The following BLTP1 variants were observed in gnomAD, a reference collection of about 807,000 sequenced individuals.
BLTP1 encodes the protein bridge-like lipid transfer protein family member 1, also known as fragile site-associated protein.
chr4:122,154,519 T>C, the BLTP1 span: 3 of 976,944 alleles, frequency 3.1e-6, no homozygotes, highest in African/African-American at 1.8e-5. Context: ...GGTGTCAAAA[T>C]TCTGTTCTCT....
chr4:122,190,139 C>G, the BLTP1 span: 1 of 1,595,522 alleles, frequency 6.3e-7, no homozygotes, highest in Admixed American at 1.7e-5. Flanking sequence ...CTCTGTCACA[C>G]AGGCTGGAAT....
the BLTP1 span, chr4:122,349,683 G>A: frequency 6.4e-7 from 1 of 1,565,898 alleles, no homozygotes; most frequent in Non-Finnish European, 8.7e-7. This position sits in a 1 kb window ranked among gnomAD's most constrained non-coding sequence, Gnocchi z 4.5. Context: ...TTACATGACT[G>A]TTCTCAACAT....
chr4:122,335,768 A>G, the BLTP1 span, among the ~76,000 whole-genome samples: 2 of 152,112 alleles, frequency 1.3e-5, no homozygotes, highest in Non-Finnish European at 2.9e-5. Flanking sequence ...GTTAGGTAAA[A>G]GGAAAGAGAA....
chr4:122,202,512 G>T, the BLTP1 span: 4 of 917,422 alleles, frequency 4.4e-6, no homozygotes, highest in South Asian at 2.0e-4. Context: ...AACTCAAGTA[G>T]TCTGGCTCAA....
the BLTP1 span, chr4:122,164,287 A>G: frequency 1.7e-6 from 1 of 595,696 alleles, no homozygotes; most frequent in Non-Finnish European, 2.1e-6. Context: ...CGTTTTCCCA[A>G]CTACAGCATC....
At chr4:122,270,453 T>C in the BLTP1 span, 191 of 581,730 alleles carry the variant, frequency 3.3e-4, no homozygotes, top group African/African-American at 3.7e-3. Context: ...TATAATAGTC[T>C]TACATGAAAA....
At chr4:122,336,195 A>G in the BLTP1 span, 527 of 1,586,020 alleles carry the variant, frequency 3.3e-4, no homozygotes, top group Non-Finnish European at 1.4e-4. Flanking sequence ...GTTCTAGCCA[A>G]AGGAAAAGGA....
chr4:122,349,470 A>G, the BLTP1 span: 1 of 1,589,684 alleles, frequency 6.3e-7, no homozygotes, highest in East Asian at 2.3e-5. This position sits in a 1 kb window ranked among gnomAD's most constrained non-coding sequence, Gnocchi z 4.5. Context: ...TGAACATCCA[A>G]ATCAGCAACC....
the BLTP1 span, chr4:122,349,038 T>A: frequency 1.3e-6 from 1 of 782,140 alleles, no homozygotes; most frequent in Non-Finnish European, 1.9e-6. This position sits in a 1 kb window ranked among gnomAD's most constrained non-coding sequence, Gnocchi z 4.5. Flanking sequence ...TAAAGTATGT[T>A]GTTTCATTGT....
the BLTP1 span, among the ~76,000 whole-genome samples, chr4:122,202,348 C>T: frequency 1.3e-5 from 2 of 152,128 alleles, no homozygotes; most frequent in African/African-American, 4.8e-5. Flanking sequence ...TGGCTCTGTC[C>T]TAAGCAGTTT....
At chr4:122,340,903 A>G in the BLTP1 span, 19 of 852,974 alleles carry the variant, frequency 2.2e-5, no homozygotes, top group Non-Finnish European at 2.7e-5. Context: ...GTTGTCAGCG[A>G]TAACACTACA....
the BLTP1 span, chr4:122,339,102 A>T: frequency 4.0e-6 from 5 of 1,264,998 alleles, no homozygotes; most frequent in Admixed American, 2.5e-5. Context: ...CTTTCTGTTT[A>T]AAAAAAATGT....
At chr4:122,294,738 A>G in the BLTP1 span, among the ~76,000 whole-genome samples, 5 of 152,232 alleles carry the variant, frequency 3.3e-5, no homozygotes, top group Non-Finnish European at 7.3e-5. Flanking sequence ...CCTCTCCAGC[A>G]AGGGCGCAGG....
the BLTP1 span, chr4:122,341,674 A>G: frequency 2.0e-6 from 2 of 981,116 alleles, no homozygotes; most frequent in South Asian, 4.7e-5. Flanking sequence ...ATAAGAATAT[A>G]TAGGTTGCGA....
At chr4:122,262,906 C>G in the BLTP1 span, 2 of 1,614,052 alleles carry the variant, frequency 1.2e-6, no homozygotes, top group Non-Finnish European at 8.5e-7. Context: ...GGAAGCTTCC[C>G]AAGCCTGCAC....
chr4:122,359,834 C>G, the BLTP1 span: 1 of 1,441,416 alleles, frequency 6.9e-7, no homozygotes, highest in African/African-American at 1.4e-5. Context: ...AGAAGTTAGT[C>G]TCCTGTAATG....
At chr4:122,214,564 C>T in the BLTP1 span, 1 of 934,134 alleles carries the variant, frequency 1.1e-6, no homozygotes, top group Non-Finnish European at 1.3e-6. Flanking sequence ...TACCATCTAC[C>T]TTACATTTGA....
chr4:122,166,306 C>T, the BLTP1 span, among the ~76,000 whole-genome samples: 951 of 152,208 alleles, frequency 6.2e-3, 9 homozygotes, highest in African/African-American at 0.022. Context: ...AGCCAGTTTT[C>T]CCAGCACCAT....
the BLTP1 span, chr4:122,187,995 T>C: frequency 6.3e-7 from 1 of 1,599,252 alleles, no homozygotes; most frequent in Non-Finnish European, 8.5e-7. Context: ...TCAAGTCATC[T>C]TGACCAATTC....
Sources: gnomAD v4.1 joint callset for allele counts (sites outside exome capture counted in the v4.1 genomes callset) on GRCh38, gnomAD v4.1.1 for gene constraint, Gnocchi (gnomAD v3.1) non-coding constraint, MANE v1.5 for transcripts, NCBI Gene and HGNC (gene_info 2026-07-23, HGNC 2026-07-21) for gene names.